Variants in PPME1 observed in about 807,000 individuals in gnomAD.
PPME1 encodes testicular secretory protein Li 39.
Under a neutral mutation model 56.9 loss-of-function variants are expected in PPME1, and 17 were observed. That is an observed-to-expected ratio of 0.30 (90% confidence interval 0.20 to 0.45). The LOEUF is 0.45. Among genes scored for constraint, PPME1 ranks in the 20% least tolerant of loss-of-function variants. PPME1 has a pLI of 1.00. For missense variants in PPME1, 357 were observed against 483.2 expected, an observed-to-expected ratio of 0.74 and a Z score of 2.45; for synonymous variants, 122 against 156.2, an observed-to-expected ratio of 0.78 and a Z score of 1.63.
chr11:74,215,596 CAGGAA>C (rs1858617455), intron 3 of PPME1, among the ~76,000 whole-genome samples: 1 of 151,606 alleles, frequency 6.6e-6, no homozygotes, highest in Admixed American at 6.6e-5. Context: ...TAAAGAAAGA[CAGGAA>C]AGAAGAGAAG....
chr11:74,227,261 A>G (rs1858954192), intron 5 of PPME1, among the ~76,000 whole-genome samples: 1 of 152,190 alleles, frequency 6.6e-6, no homozygotes, highest in African/African-American at 2.4e-5. Context: ...TAAAATATTT[A>G]CAGGCCTCAC....
intron 3 of PPME1, chr11:74,206,024 A>T (rs888152759): frequency 5.3e-5 from 8 of 152,202 alleles, no homozygotes; most frequent in African/African-American, 1.9e-4. Flanking sequence ...TATTATTGAG[A>T]TATTTACATC....
In PPME1 at chr11:74,235,887, C is replaced by G. The variant is rs758812198; in HGVS notation, c.645-14C>G. Reference sequence around the variant, plus strand: ...ACTGAATAACCTTCTCTCTTCCTTTCTTTTCTTTCCCAGTGTGAAGAGTGG... The same window carrying G: ...ACTGAATAACCTTCTCTCTTCCTTTGTTTTCTTTCCCAGTGTGAAGAGTGG... On this transcript the variant is annotated splice_polypyrimidine_tract_variant and intron_variant, in intron 7 of 13. Transcript: ENST00000328257. The G allele has an allele frequency of 6.2e-7, 1 of 1,606,632 alleles. No individual in the cohort carries two copies. The highest frequency in any genetic ancestry group is 2.2e-5 in the East Asian group (1 of 44,738).
chr11:74,240,518 G>A (rs1360659651), intron 9 of PPME1, among the ~76,000 whole-genome samples: 1 of 152,204 alleles, frequency 6.6e-6, no homozygotes, highest in Non-Finnish European at 1.5e-5. Context: ...GGCAGGTAAT[G>A]AACATGTAAT....
chr11:74,237,509 T>A (rs1859224672), intron 8 of PPME1, among the ~76,000 whole-genome samples: 1 of 151,926 alleles, frequency 6.6e-6, no homozygotes, highest in Admixed American at 6.6e-5. Flanking sequence ...TCTCCTGACC[T>A]CATGATCCGC....
At chr11:74,209,985 C>T (rs1858431062) in intron 3 of PPME1, among the ~76,000 whole-genome samples, 1 of 152,084 alleles carries the variant, frequency 6.6e-6, no homozygotes, top group Middle Eastern at 3.2e-3. Context: ...GTGCTTGAGC[C>T]CAGGAGTTCG....
At chr11:74,252,258 T>G (rs1859714286) in intron 13 of PPME1, among the ~76,000 whole-genome samples, 1 of 150,884 alleles carries the variant, frequency 6.6e-6, no homozygotes, top group South Asian at 2.1e-4. Flanking sequence ...TTTGTTTTTT[T>G]TTTTTTTTAG....
intron 1 of PPME1, among the ~76,000 whole-genome samples, chr11:74,187,813 T>C (rs1208363129): frequency 6.6e-6 from 1 of 152,218 alleles, no homozygotes; most frequent in Non-Finnish European, 1.5e-5. Context: ...GAATATGTTA[T>C]TTTACATGGC....
At chr11:74,227,890 C>T (rs1444915515) in intron 5 of PPME1, among the ~76,000 whole-genome samples, 1 of 152,046 alleles carries the variant, frequency 6.6e-6, no homozygotes, top group Non-Finnish European at 1.5e-5. Context: ...TTCTTAAGCT[C>T]AGACACGATG....
intron 9 of PPME1, among the ~76,000 whole-genome samples, chr11:74,239,630 A>G (rs112534216): frequency 0.11 from 15,354 of 145,372 alleles, 2,103 homozygotes; most frequent in African/African-American, 0.33. Context: ...AGGCTGGAGT[A>G]CAATGGCGCG....
chr11:74,209,021 A>G (rs1858402776), intron 3 of PPME1, among the ~76,000 whole-genome samples: 1 of 152,222 alleles, frequency 6.6e-6, no homozygotes. Flanking sequence ...GAGCAAAATT[A>G]TAGAAGGGGC....
At chr11:74,236,798 A>T (rs1859200429) in intron 8 of PPME1, among the ~76,000 whole-genome samples, 1 of 152,216 alleles carries the variant, frequency 6.6e-6, no homozygotes, top group Non-Finnish European at 1.5e-5. Flanking sequence ...TTTCCTCTGC[A>T]AGATTTTCAT....
intron 13 of PPME1, 198 bp downstream of exon 13, chr11:74,251,913 A>T (rs767668928): frequency 2.6e-6 from 2 of 775,054 alleles, no homozygotes. Flanking sequence ...CTGTGCTCCC[A>T]CGGGTTGATG....
chr11:74,251,631 A>C lies in PPME1; in HGVS notation c.1075-17A>C, dbSNP rs201992998. ...CACTAACCTTTATATGGCCTGGAAT[A>C]TCTCTCCCATTTCCAGGTAGCTGAA... On this transcript the variant is annotated splice_polypyrimidine_tract_variant and intron_variant, in intron 12 of 13. Transcript: ENST00000328257. 1.1e-4 allele frequency: 181 copies of C among 1,612,142 alleles called. No individual in the cohort carries two copies. In the African/African-American group the frequency reaches 2.2e-3, roughly 19 times the overall value.
chr11:74,252,103 C>CTTT (rs60650207), intron 13 of PPME1, among the ~76,000 whole-genome samples: 20 of 117,010 alleles, frequency 1.7e-4, no homozygotes, highest in East Asian at 4.6e-4. Context: ...TGGAGCAGGG[C>CTTT]TTTTTTTTTT....
chr11:74,208,327 A>G (rs565412192), intron 3 of PPME1, among the ~76,000 whole-genome samples: 21 of 151,886 alleles, frequency 1.4e-4, no homozygotes, highest in Admixed American at 2.0e-4. Context: ...AAAAAAAAAA[A>G]AGAGACTTTA....
At chr11:74,172,644 A>G (rs572850110) in intron 1 of PPME1, among the ~76,000 whole-genome samples, 2 of 151,312 alleles carry the variant, frequency 1.3e-5, no homozygotes, top group South Asian at 4.1e-4. Flanking sequence ...TGAGGTGAAC[A>G]TGGGAGAAGT....
chr11:74,198,200 A>T (rs1470051424), intron 1 of PPME1, among the ~76,000 whole-genome samples: 1 of 152,294 alleles, frequency 6.6e-6, no homozygotes, highest in East Asian at 1.9e-4. Context: ...ATCATCTTTC[A>T]TATCTTGAAC....
At chr11:74,209,131 G>C (rs991063539) in intron 3 of PPME1, among the ~76,000 whole-genome samples, 3 of 152,094 alleles carry the variant, frequency 2.0e-5, no homozygotes, top group African/African-American at 7.2e-5. Context: ...TTTTGATACA[G>C]GGTCTCACTC....
Sources: gnomAD v4.1 joint callset for allele counts (sites outside exome capture counted in the v4.1 genomes callset) on GRCh38, gnomAD v4.1.1 for gene constraint, MANE v1.5 for transcripts, NCBI Gene and HGNC (gene_info 2026-07-23, HGNC 2026-07-21) for gene names.